CDH6: variants seen among roughly 807,000 people sequenced by gnomAD.
The protein encoded by CDH6 is cadherin-6.
Under a neutral mutation model 78.0 loss-of-function variants are expected in CDH6, and 31 were observed. That is an observed-to-expected ratio of 0.40 (90% CI 0.30 to 0.54). The LOEUF (loss-of-function observed/expected upper bound fraction) is 0.54. Among genes scored for constraint, CDH6 ranks in the 20% least tolerant of loss-of-function variants. The pLI, the probability that CDH6 is intolerant of heterozygous loss-of-function variation, is 0.56. For synonymous variants in CDH6, 376 were observed against 368.8 expected, an observed-to-expected ratio of 1.02 and a Z score of -0.23; for missense variants, 724 against 975.9, an observed-to-expected ratio of 0.74 and a Z score of 3.44.
chr5:31,194,742 G>A (rs1296020539), intron 1 of CDH6, among the ~76,000 whole-genome samples: 4 of 152,278 alleles, frequency 2.6e-5, no homozygotes, highest in African/African-American at 9.6e-5. Context: ...GGTGCCAGAT[G>A]CTGGAAAATT....
chr5:31,263,484 T>A (rs1306587786), intron 1 of CDH6, among the ~76,000 whole-genome samples: 2 of 146,836 alleles, frequency 1.4e-5, no homozygotes, highest in Admixed American at 6.9e-5. Flanking sequence ...GGTTTCACCA[T>A]GTTAGCCAGG....
intron 6 of CDH6, 132 bp downstream of exon 6, chr5:31,302,430 A>C: frequency 1.3e-6 from 1 of 756,316 alleles, no homozygotes; most frequent in South Asian, 2.9e-5. Flanking sequence ...TTTCAGAAAA[A>C]TGCCAGTTCT....
At chr5:31,213,255 C>T (rs886256547) in intron 1 of CDH6, among the ~76,000 whole-genome samples, 3 of 152,142 alleles carry the variant, frequency 2.0e-5, no homozygotes, top group Non-Finnish European at 4.4e-5. Flanking sequence ...GCAATCCACC[C>T]ATCAGAAAAT....
chr5:31,260,346 G>A (rs550114295), intron 1 of CDH6, among the ~76,000 whole-genome samples: 7 of 152,254 alleles, frequency 4.6e-5, no homozygotes, highest in Admixed American at 1.3e-4. Flanking sequence ...GTGGCATGCC[G>A]GAGTCTGCTC....
chr5:31,234,749 T>C (rs556552649), intron 1 of CDH6, among the ~76,000 whole-genome samples: 1 of 152,250 alleles, frequency 6.6e-6, no homozygotes, highest in Non-Finnish European at 1.5e-5. Context: ...TATTATTATA[T>C]TGATTAGCTC....
At chr5:31,259,265 T>C (rs1179710177) in intron 1 of CDH6, among the ~76,000 whole-genome samples, 9 of 152,244 alleles carry the variant, frequency 5.9e-5, no homozygotes, top group Admixed American at 5.9e-4. Flanking sequence ...CTAAAAATCA[T>C]CTATGATATG....
intron 1 of CDH6, among the ~76,000 whole-genome samples, chr5:31,222,364 G>A (rs1009664833): frequency 6.6e-6 from 1 of 152,072 alleles, no homozygotes; most frequent in Non-Finnish European, 1.5e-5. Context: ...ATCAGAGAAA[G>A]TGAATTAGAT....
intron 3 of CDH6, among the ~76,000 whole-genome samples, chr5:31,295,496 C>T (rs1737558388): frequency 6.6e-6 from 1 of 152,098 alleles, no homozygotes; most frequent in African/African-American, 2.4e-5. Context: ...GTATTACAAA[C>T]ATTTAGGGGT....
At position 31,193,794 on chromosome 5, in the gene CDH6, G is replaced by A; in HGVS notation, c.-221G>A. On this transcript the variant is annotated 5_prime_UTR_variant, in exon 1 of 12. Coordinates refer to ENST00000265071, the MANE Select transcript of CDH6 (RefSeq NM_004932.4). ...AGTTTCAGCCGCGACAGCAAGAACGGCAGAGCCGGCGACCGCGGCGGCGGC... is the reference window on the plus strand; with the variant it reads ...AGTTTCAGCCGCGACAGCAAGAACGACAGAGCCGGCGACCGCGGCGGCGGC... 6.5e-6 allele frequency: 1 copy of A among 154,312 alleles called. No individual in the cohort carries two copies. Among genetic ancestry groups the A allele is most frequent in the Non-Finnish European group, 1.4e-5 (1 of 69,048 alleles). The allele number at this position is 154,312 out of a possible 1,614,324, so 9.6% of individuals were successfully genotyped here.
chr5:31,235,236 CTTT>C (rs543675071), intron 1 of CDH6, among the ~76,000 whole-genome samples: 14 of 110,638 alleles, frequency 1.3e-4, no homozygotes, highest in African/African-American at 2.7e-4. Flanking sequence ...ATTCCTTTTT[CTTT>C]TTTTTTTTTT....
At chr5:31,283,083 A>G (rs550930845) in intron 2 of CDH6, among the ~76,000 whole-genome samples, 1 of 152,208 alleles carries the variant, frequency 6.6e-6, no homozygotes, top group South Asian at 2.1e-4. Flanking sequence ...CAATTTTCTG[A>G]CCCCAGGGGA....
chr5:31,236,887 G>A (rs777786791), intron 1 of CDH6, among the ~76,000 whole-genome samples: 12 of 152,092 alleles, frequency 7.9e-5, no homozygotes, highest in Non-Finnish European at 1.3e-4. Context: ...TGCCTTATTC[G>A]ATGTGATTTC....
At chr5:31,258,813 G>A (rs1294945063) in intron 1 of CDH6, among the ~76,000 whole-genome samples, 3 of 151,960 alleles carry the variant, frequency 2.0e-5, no homozygotes, top group African/African-American at 7.2e-5. Flanking sequence ...TATTTTTTAG[G>A]GAATTCATGA....
At chr5:31,318,502 T>A (rs367845637) in intron 11 of CDH6, 7 of 231,168 alleles carry the variant, frequency 3.0e-5, no homozygotes, top group South Asian at 3.5e-4. Context: ...CACTCAACAA[T>A]AAATAACTTC....
intron 1 of CDH6, among the ~76,000 whole-genome samples, chr5:31,257,536 C>G (rs1055193249): frequency 6.6e-6 from 1 of 152,186 alleles, no homozygotes; most frequent in South Asian, 2.1e-4. Context: ...CAGCCATGCA[C>G]GCATTCATCT....
In CDH6 at chr5:31,327,240, A is replaced by G. The variant is rs1738643340; in HGVS notation, c.*3932A>G. ...AAGTATGCAGTTGAAAAGAAAATCA[A>G]AGTTGATTCCTGGGTGCCAACTAAA... On this transcript the variant is annotated 3_prime_UTR_variant, in exon 12 of 12. Transcript: ENST00000265071. 1 of 187,900 alleles carries G rather than the reference A, an allele frequency of 5.3e-6. No homozygotes were observed. The highest frequency in any genetic ancestry group is 1.9e-4 in the South Asian group (1 of 5,138). The allele number at this position is 187,900 out of a possible 1,614,324, so 11.6% of individuals were successfully genotyped here. A position where few individuals can be genotyped will look rare whatever the true frequency, so the allele number is the denominator to read the frequency against.
Position 31,326,616 on chromosome 5 carries a change from G to T in CDH6, c.*3308G>T. The T allele has an allele frequency of 6.1e-6, 1 of 163,484 alleles. No individual in the cohort carries two copies. Among genetic ancestry groups the T allele is most frequent in the Non-Finnish European group, 1.3e-5 (1 of 75,766 alleles). 10.1% of individuals were successfully genotyped at this position (163,484 alleles called of 1,614,324 possible). Reference sequence around the variant, plus strand: ...AACCTGCCCATTTAATTTTAACGCAGTATAAAAAACGTGTGGTTTAGTTTT... The same window carrying T: ...AACCTGCCCATTTAATTTTAACGCATTATAAAAAACGTGTGGTTTAGTTTT... On this transcript the variant is annotated 3_prime_UTR_variant, in exon 12 of 12. Coordinates refer to ENST00000265071, the MANE Select transcript of CDH6 (RefSeq NM_004932.4).
chr5:31,295,065 T>C (rs1737547254), intron 3 of CDH6, among the ~76,000 whole-genome samples: 1 of 152,206 alleles, frequency 6.6e-6, no homozygotes, highest in Admixed American at 6.5e-5. Flanking sequence ...TTATTATGAT[T>C]CTGTCAGTTA....
intron 6 of CDH6, 24 bp downstream of exon 6, chr5:31,302,322 T>C (rs761871378): frequency 1.9e-6 from 3 of 1,571,740 alleles, no homozygotes; most frequent in Non-Finnish European, 1.7e-6. Context: ...TTAAACACCA[T>C]ACAGAGTGAA....
Sources: gnomAD v4.1 joint callset for allele counts (sites outside exome capture counted in the v4.1 genomes callset) on GRCh38, gnomAD v4.1.1 for gene constraint, MANE v1.5 for transcripts, NCBI Gene and HGNC (gene_info 2026-07-23, HGNC 2026-07-21) for gene names.